Variants in PDE1C observed in about 807,000 individuals in gnomAD.
PDE1C encodes dual specificity calcium/calmodulin-dependent 3',5'-cyclic nucleotide phosphodiesterase 1C.
PDE1C carries 62 observed loss-of-function variants against 93.1 expected under a neutral mutation model. The ratio of observed to expected loss-of-function variants is 0.67; its 90% CI spans 0.54 to 0.82. PDE1C has a LOEUF of 0.82. PDE1C is among the 40% of genes least tolerant of loss of function. The pLI is 0.00. For synonymous variants in PDE1C, 325 were observed against 310.1 expected, an observed-to-expected ratio of 1.05 and a Z score of -0.50; for missense variants, 742 against 884.6, an observed-to-expected ratio of 0.84 and a Z score of 2.04.
chr7:32,382,117 C>G (rs1328969925), intron 1 of PDE1C, among the ~76,000 whole-genome samples: 1 of 152,136 alleles, frequency 6.6e-6, no homozygotes. Flanking sequence ...ATGGCAGAAC[C>G]AGGATTTGAA....
Position 32,206,770 on chromosome 7 carries a change from C to T in PDE1C, c.136+2719G>A, listed in dbSNP as rs955238438. Among the ~76,000 whole-genome samples, 15 of 152,238 alleles carry T rather than the reference C, an allele frequency of 9.9e-5. 1 individual carries two copies. Among genetic ancestry groups the T allele is most frequent in the South Asian group, 2.1e-4 (1 of 4,834 alleles). On this transcript the variant is annotated intron_variant, in intron 2 of 18. Coordinates refer to the PDE1C transcript ENST00000396193. ...GGCAGTGCCCACACCCGGTGGCTCT[C>T]GCCCCAGGACAGCTGGCCTTGTGAT...
At chr7:31,790,720 A>T (rs1321260280) in intron 16 of PDE1C, among the ~76,000 whole-genome samples, 1 of 152,124 alleles carries the variant, frequency 6.6e-6, no homozygotes. Context: ...AGAGACATTT[A>T]AAGCAAGATG....
intron 2 of PDE1C, among the ~76,000 whole-genome samples, chr7:32,023,997 T>C (rs1314663767): frequency 6.6e-6 from 1 of 152,152 alleles, no homozygotes; most frequent in African/African-American, 2.4e-5. Context: ...CTGAGGGAGC[T>C]GGAAGGTGAA....
intron 1 of PDE1C, among the ~76,000 whole-genome samples, chr7:32,256,546 T>C (rs181494882): frequency 1.3e-5 from 2 of 152,336 alleles, no homozygotes; most frequent in African/African-American, 4.8e-5. Flanking sequence ...AAGTTCCTTC[T>C]GCCAACATCT....
At chr7:32,134,298 A>T (rs545363829) in intron 3 of PDE1C, among the ~76,000 whole-genome samples, 1 of 152,302 alleles carries the variant, frequency 6.6e-6, no homozygotes, top group African/African-American at 2.4e-5. Flanking sequence ...CAGGAAGTTT[A>T]GAAAACCCCA....
chr7:32,250,701 A>G (rs1056779427), intron 1 of PDE1C, among the ~76,000 whole-genome samples: 3 of 152,206 alleles, frequency 2.0e-5, no homozygotes, highest in Non-Finnish European at 2.9e-5. Context: ...CCCCACCATA[A>G]GCACACCCAG....
Position 31,791,675 on chromosome 7 carries a change from A to G in PDE1C, c.1892-15943T>C, listed in dbSNP as rs149458237. ...AGGTTGGGTTTGATTTTTTAATAAC[A>G]GACCCATTGGTTGGAAGGAAGCTAG... On this transcript the variant is annotated intron_variant, in intron 16 of 17. Transcript: ENST00000396191. Among the ~76,000 whole-genome samples, 83 of 152,230 alleles carry G rather than the reference A, an allele frequency of 5.5e-4. 2 individuals carry two copies. The East Asian group carries it at 0.016, about 29-fold the overall frequency.
At chr7:31,722,674 G>T in the PDE1C span, among the ~76,000 whole-genome samples, 8 of 152,276 alleles carry the variant, frequency 5.3e-5, no homozygotes, top group African/African-American at 1.9e-4. Context: ...AAGCAGGATG[G>T]TGGGAGAGCT....
chr7:31,939,699 T>A (rs573890671), intron 2 of PDE1C, among the ~76,000 whole-genome samples: 14 of 152,254 alleles, frequency 9.2e-5, no homozygotes, highest in African/African-American at 3.4e-4. Context: ...AAGAAGATAG[T>A]CACTAACTCT....
intron 2 of PDE1C, among the ~76,000 whole-genome samples, chr7:31,898,728 ACCT>A (rs1799612575): frequency 6.6e-6 from 1 of 152,050 alleles, no homozygotes; most frequent in African/African-American, 2.4e-5. Flanking sequence ...ACTTATAGCA[ACCT>A]CCTCTTTTTC....
At chr7:32,048,176 T>G (rs1792856364) in intron 2 of PDE1C, among the ~76,000 whole-genome samples, 1 of 152,192 alleles carries the variant, frequency 6.6e-6, no homozygotes. Context: ...GCAAGATTAT[T>G]CTGAAAAAGG....
chr7:32,049,298 A>G (rs1793023084), intron 2 of PDE1C, among the ~76,000 whole-genome samples: 1 of 152,094 alleles, frequency 6.6e-6, no homozygotes, highest in South Asian at 2.1e-4. Flanking sequence ...GTTTTAGTTC[A>G]TTTTCCTCTC....
At chr7:32,202,912 T>C (rs1280607913) in intron 2 of PDE1C, among the ~76,000 whole-genome samples, 1 of 152,078 alleles carries the variant, frequency 6.6e-6, no homozygotes, top group Non-Finnish European at 1.5e-5. Context: ...ACTACAGGGA[T>C]TATGTTGTAC....
intron 3 of PDE1C, among the ~76,000 whole-genome samples, chr7:32,125,167 G>A (rs1485961316): frequency 6.6e-6 from 1 of 152,174 alleles, no homozygotes; most frequent in African/African-American, 2.4e-5. Flanking sequence ...ACCATAACGA[G>A]ATACCATCTC....
intron 2 of PDE1C, among the ~76,000 whole-genome samples, chr7:31,973,338 C>T (rs902739844): frequency 1.3e-5 from 2 of 151,988 alleles, no homozygotes; most frequent in East Asian, 1.9e-4. Context: ...AAAAAACAAA[C>T]CTGCAGATTT....
intron 2 of PDE1C, among the ~76,000 whole-genome samples, chr7:31,958,215 C>T (rs972877180): frequency 3.9e-5 from 6 of 152,184 alleles, no homozygotes; most frequent in African/African-American, 4.8e-5. Flanking sequence ...AAGCATGTGC[C>T]GTTTTCCAGG....
intron 16 of PDE1C, among the ~76,000 whole-genome samples, chr7:31,793,775 C>T (rs1784852638): frequency 6.6e-6 from 1 of 151,234 alleles, no homozygotes; most frequent in African/African-American, 2.4e-5. Flanking sequence ...TCCTAGGTCA[C>T]AAGTACATGA....
At chr7:31,794,017 TAGATAGATAGATAGATAGATAGATAGAC>T (rs1233026990) in intron 16 of PDE1C, among the ~76,000 whole-genome samples, 2 of 124,086 alleles carry the variant, frequency 1.6e-5, no homozygotes, top group Non-Finnish European at 3.2e-5. Context: ...GATAGATAGA[TAGATAGATAGATAGATAGATAGATAGAC>T]AGACAGACAG....
intron 7 of PDE1C, among the ~76,000 whole-genome samples, chr7:31,860,787 G>C (rs1031754029): frequency 3.0e-4 from 45 of 151,914 alleles, no homozygotes; most frequent in South Asian, 2.1e-4. Context: ...CTTTTTTCAA[G>C]GCCATAAACA....
Sources: allele counts gnomAD v4.1 joint callset (sites outside exome capture counted in the v4.1 genomes callset), GRCh38; gene constraint gnomAD v4.1.1; transcripts MANE v1.5; gene names NCBI Gene and HGNC (gene_info 2026-07-23, HGNC 2026-07-21).